The following CDH13 variants were observed in gnomAD, a reference collection of about 807,000 sequenced individuals.
The protein encoded by CDH13 is cadherin 13.
Under a neutral mutation model 63.8 loss-of-function variants are expected in CDH13, and 24 were observed. The observed-to-expected ratio is 0.38, with a 90% confidence interval of 0.27 to 0.53. The LOEUF (loss-of-function observed/expected upper bound fraction) is 0.53. Among genes scored for constraint, CDH13 ranks in the 20% least tolerant of loss-of-function variants. The probability of loss-of-function intolerance (pLI) is 0.85; values close to 1 mark genes in which losing one functional copy is unlikely to be tolerated. For missense variants in CDH13, 1,049 were observed against 903.1 expected (o/e 1.16, Z -2.07); for synonymous variants, 503 against 355.3 (o/e 1.42, Z -4.67).
Position 82,627,221 on chromosome 16 carries a change from C to T in CDH13, c.45+84C>T. 2.6e-6 allele frequency: 3 copies of T among 1,156,656 alleles called. No homozygotes were observed. In the South Asian group the frequency reaches 3.9e-5, roughly 15 times the overall value. The allele number at this position is 1,156,656 out of a possible 1,614,324, so 71.6% of individuals were successfully genotyped here. On this transcript the variant is annotated intron_variant, in intron 1 of 13. Transcript: ENST00000567109. ...GGCACGGGCAGGGTGAGGGGGCTTT[C>T]GGGGGGTCGGGGCCTCCGGTCGCGG...
intron 5 of CDH13, among the ~76,000 whole-genome samples, chr16:83,238,989 G>A (rs760657803): frequency 6.6e-6 from 1 of 152,126 alleles, no homozygotes; most frequent in African/African-American, 2.4e-5. Context: ...TCAAAGTCAG[G>A]CATTGCAAAG....
chr16:83,568,067 T>C (rs913600536), intron 7 of CDH13, among the ~76,000 whole-genome samples: 1 of 152,130 alleles, frequency 6.6e-6, no homozygotes, highest in Non-Finnish European at 1.5e-5. Context: ...GCACCAACTG[T>C]CCGGTTAGCA....
intron 5 of CDH13, among the ~76,000 whole-genome samples, chr16:83,258,385 A>G (rs950533454): frequency 6.6e-6 from 1 of 152,210 alleles, no homozygotes; most frequent in Non-Finnish European, 1.5e-5. Flanking sequence ...TGTATGCAAT[A>G]AAAATTAGAC....
At chr16:82,686,311 C>A (rs953752251) in intron 1 of CDH13, among the ~76,000 whole-genome samples, 4 of 152,128 alleles carry the variant, frequency 2.6e-5, no homozygotes, top group African/African-American at 9.7e-5. Context: ...GAATTCGTCT[C>A]CTCCTGGTTC....
intron 6 of CDH13, among the ~76,000 whole-genome samples, chr16:83,355,729 C>T (rs752587140): frequency 6.6e-6 from 1 of 152,138 alleles, no homozygotes. Context: ...GTAGAGCTTG[C>T]AGACGAAAGA....
At chr16:83,657,375 C>T (rs1912962111) in intron 8 of CDH13, among the ~76,000 whole-genome samples, 1 of 152,168 alleles carries the variant, frequency 6.6e-6, no homozygotes, top group African/African-American at 2.4e-5. Context: ...TGCTGCTTTT[C>T]AGGGATCTCT....
At chr16:83,609,025 CTT>C (rs1196746546) in intron 8 of CDH13, among the ~76,000 whole-genome samples, 4 of 151,416 alleles carry the variant, frequency 2.6e-5, no homozygotes, top group Admixed American at 6.6e-5. Flanking sequence ...AGTTTAGAAA[CTT>C]TTTTTTTGTT....
intron 4 of CDH13, among the ~76,000 whole-genome samples, chr16:83,140,650 T>C (rs2036490703): frequency 6.6e-6 from 1 of 152,144 alleles, no homozygotes; most frequent in Admixed American, 6.5e-5. Flanking sequence ...AGAAGGGGTT[T>C]TGCCATGTTG....
Position 83,602,523 on chromosome 16 carries a change from A to G in CDH13, c.1030A>G (p.Thr344Ala), listed in dbSNP as rs553344058. The change falls in exon 8 of 14, where the codon ACA becomes GCA. Residue 344 changes from threonine (T) to alanine (A), a missense_variant. By Grantham distance (58) the Thr-to-Ala change is moderately conservative. Coordinates refer to ENST00000567109, the MANE Select transcript of CDH13 (RefSeq NM_001257.5). ...TATGGCTGGACTGGATGTTGGATTAACAGGCACGGCCACAGCCACGATCAT... is the reference window on the plus strand; with the variant it reads ...TATGGCTGGACTGGATGTTGGATTAGCAGGCACGGCCACAGCCACGATCAT... ...QDMAGLDVGLTGTATATIMID... is the reference protein window; with the variant it reads ...QDMAGLDVGLAGTATATIMID... 5 of 1,614,006 alleles carry G rather than the reference A, an allele frequency of 3.1e-6. No individual in the cohort carries two copies. The Admixed American group carries it at 8.3e-5, about 27-fold the overall frequency.
intron 8 of CDH13, among the ~76,000 whole-genome samples, chr16:83,652,416 C>A (rs138719697): frequency 6.6e-6 from 1 of 152,126 alleles, no homozygotes; most frequent in Admixed American, 6.5e-5. Context: ...CAGTTAGAGA[C>A]GGCTGTGAGT....
chr16:82,657,916 T>C (rs965954313), intron 1 of CDH13, among the ~76,000 whole-genome samples: 3 of 152,224 alleles, frequency 2.0e-5, no homozygotes, highest in African/African-American at 7.2e-5. Flanking sequence ...TTTCTTTTCT[T>C]ATCTTACTGC....
At chr16:83,061,221 A>G (rs2031520407) in intron 3 of CDH13, among the ~76,000 whole-genome samples, 1 of 152,174 alleles carries the variant, frequency 6.6e-6, no homozygotes, top group Non-Finnish European at 1.5e-5. Flanking sequence ...GTTTCTAATT[A>G]TGTGGTCCAC....
intron 6 of CDH13, among the ~76,000 whole-genome samples, chr16:83,401,110 G>A (rs1324570421): frequency 6.6e-6 from 1 of 152,182 alleles, no homozygotes; most frequent in Non-Finnish European, 1.5e-5. Flanking sequence ...GGAAGCCGAG[G>A]TGGGTGGATC....
At chr16:83,783,232 A>G (rs1326732333) in intron 12 of CDH13, 22 bp from the exon 13 acceptor site, 2 of 1,572,394 alleles carry the variant, frequency 1.3e-6, no homozygotes, top group Non-Finnish European at 1.7e-6. Flanking sequence ...CACTCTCACC[A>G]GAACCCTCCT....
intron 3 of CDH13, among the ~76,000 whole-genome samples, chr16:83,077,219 G>A (rs1367850500): frequency 1.1e-5 from 1 of 88,204 alleles, no homozygotes; most frequent in African/African-American, 4.8e-5. Context: ...TTGAGACAGA[G>A]TCTCACTCTG....
At chr16:83,496,853 C>T (rs1194268256) in intron 7 of CDH13, among the ~76,000 whole-genome samples, 2 of 152,218 alleles carry the variant, frequency 1.3e-5, no homozygotes, top group African/African-American at 2.4e-5. Context: ...GGGCGAAGGA[C>T]ATGAACAGAC....
At chr16:83,181,133 T>C (rs1174994317) in intron 4 of CDH13, 10 of 914,174 alleles carry the variant, frequency 1.1e-5, no homozygotes, top group African/African-American at 3.4e-5. Context: ...TAGAAATGTG[T>C]AGACAGAGAG....
At chr16:83,451,959 T>C (rs1422409986) in intron 6 of CDH13, among the ~76,000 whole-genome samples, 1 of 152,194 alleles carries the variant, frequency 6.6e-6, no homozygotes, top group Admixed American at 6.5e-5. Context: ...GGGATTTTGC[T>C]CTTCTGTTTA....
At chr16:82,696,912 C>T (rs981319969) in intron 1 of CDH13, among the ~76,000 whole-genome samples, 1 of 152,146 alleles carries the variant, frequency 6.6e-6, no homozygotes. Flanking sequence ...GTGGCACCCT[C>T]ACATGGCTGG....
Sources: gnomAD v4.1 joint callset for allele counts (sites outside exome capture counted in the v4.1 genomes callset) on GRCh38, gnomAD v4.1.1 for gene constraint, MANE v1.5 for transcripts, NCBI Gene and HGNC (gene_info 2026-07-23, HGNC 2026-07-21) for gene names.